The following H2BC5 variants were observed in gnomAD, a reference collection of about 807,000 sequenced individuals.
H2BC5 encodes histone H2B type 1-D.
Under a neutral mutation model 5.7 loss-of-function variants are expected in H2BC5, and 9 were observed. That is an observed-to-expected ratio of 1.57 (90% CI 0.95 to 2.74). The LOEUF (loss-of-function observed/expected upper bound fraction) is 2.74, where lower values mean the gene tolerates loss of function less well. H2BC5 is among the 30% of genes most tolerant of loss of function. The pLI, the probability that H2BC5 is intolerant of heterozygous loss-of-function variation, is 0.00. For synonymous variants in H2BC5, 133 were observed against 70.9 expected (o/e 1.88, Z -4.40); for missense variants, 175 against 168.8 (o/e 1.04, Z -0.20).
At chr6:26,167,200 T>G (rs1764446330) in intron 1 of H2BC5, among the ~76,000 whole-genome samples, 1 of 152,106 alleles carries the variant, frequency 6.6e-6, no homozygotes, top group Non-Finnish European at 1.5e-5. Context: ...GGCTAGCTAC[T>G]TCATACCCAC....
Position 26,158,452 on chromosome 6 carries a change from A to T in H2BC5, c.283A>T (p.Ile95Phe), listed in dbSNP as rs1764277562. 2 of 1,614,114 alleles carry T rather than the reference A, an allele frequency of 1.2e-6. No homozygotes were observed. Among genetic ancestry groups the T allele is most frequent in the Non-Finnish European group, 1.7e-6 (2 of 1,180,052 alleles). ...NKRSTITSRE[I>F]QTAVRLLLPG... is the part of the protein sequence containing the mutation. ...GCGCTCGACCATCACCTCCAGGGAGATCCAGACGGCCGTGCGCCTGCTGCT... is the reference window on the plus strand; with the variant it reads ...GCGCTCGACCATCACCTCCAGGGAGTTCCAGACGGCCGTGCGCCTGCTGCT... Residue 95 changes from isoleucine to phenylalanine, a missense_variant, in exon 1 of 1, where the codon ATC becomes TTC. This residue lies in a region of H2BC5 where 43 missense variants were observed against 37.7 expected (regional missense o/e 1.14). Transcript: ENST00000377777.
Position 26,170,153 on chromosome 6 carries a change from TTC to T in H2BC5, c.*10-818_*10-817del, listed in dbSNP as rs1287027184. ...AAAATGTCACCACATCTGAGAGGTT[TTC>T]TCTGACCATCAAATGTAAAATGGCA... On this transcript the variant is annotated intron_variant, in intron 1 of 1. Coordinates refer to the H2BC5 transcript ENST00000289316. 5.3e-5 allele frequency among the ~76,000 whole-genome samples: 8 copies of T among 152,320 alleles called. No individual in the cohort carries two copies. The South Asian group carries it at 1.7e-3, about 32-fold the overall frequency.
downstream of H2BC5, among the ~76,000 whole-genome samples, chr6:26,161,418 T>C (rs1561969232): frequency 6.6e-6 from 1 of 152,138 alleles, no homozygotes; most frequent in Non-Finnish European, 1.5e-5. Context: ...AACTATGTAA[T>C]CAGATCTTAA....
chr6:26,158,694 TAGTACTGC>T (rs1418393820), downstream of H2BC5: 322 of 1,291,292 alleles, frequency 2.5e-4, 3 homozygotes, highest in East Asian at 7.9e-3. Flanking sequence ...AATGTTACGT[TAGTACTGC>T]AGAGGAAATA....
downstream of H2BC5, among the ~76,000 whole-genome samples, chr6:26,159,564 T>C (rs1341422233): frequency 6.6e-6 from 1 of 151,316 alleles, no homozygotes; most frequent in African/African-American, 2.4e-5. Context: ...CGGAAAAGAG[T>C]CGGGAGGGAA....
chr6:26,165,300 A>C (rs746810436), intron 1 of H2BC5, among the ~76,000 whole-genome samples: 1 of 152,140 alleles, frequency 6.6e-6, no homozygotes, highest in Non-Finnish European at 1.5e-5. Context: ...ACTCCCTAGA[A>C]TCTTTCTCTG....
intron 1 of H2BC5, among the ~76,000 whole-genome samples, chr6:26,167,049 C>CT (rs149341201): frequency 0.65 from 62,899 of 96,960 alleles, 20,881 homozygotes; most frequent in South Asian, 0.79. Flanking sequence ...TTTGTTTTCT[C>CT]TTTTTTTTTT....
chr6:26,166,569 CA>C (rs1764429154), intron 1 of H2BC5, among the ~76,000 whole-genome samples: 3 of 152,072 alleles, frequency 2.0e-5, no homozygotes, highest in South Asian at 4.1e-4. Flanking sequence ...ACTCCCAGGC[CA>C]GGGGGGCTGC....
intron 1 of H2BC5, among the ~76,000 whole-genome samples, chr6:26,167,105 G>C (rs937909157): frequency 1.1e-4 from 12 of 111,650 alleles, no homozygotes; most frequent in Admixed American, 2.6e-4. Context: ...GCAAAGAGTA[G>C]TTTACATATT....
chr6:26,158,684 A>T, downstream of H2BC5: 5 of 1,355,542 alleles, frequency 3.7e-6, no homozygotes, highest in Non-Finnish European at 5.0e-6. Flanking sequence ...ACCAATCTTT[A>T]ATGTTACGTT....
intron 1 of H2BC5, among the ~76,000 whole-genome samples, chr6:26,166,031 G>C (rs1034887825): frequency 6.6e-6 from 1 of 152,202 alleles, no homozygotes; most frequent in Non-Finnish European, 1.5e-5. Context: ...ATGTGTCTTG[G>C]ATACAGGGAT....
chr6:26,161,037 ATC>A (rs1764344196), downstream of H2BC5: 1 of 151,918 alleles, frequency 6.6e-6, no homozygotes, highest in Admixed American at 6.6e-5. Flanking sequence ...GTGAAACCCC[ATC>A]TCTACTAAAA....
chr6:26,164,542 C>T (rs1391686709), intron 1 of H2BC5, among the ~76,000 whole-genome samples: 3 of 152,068 alleles, frequency 2.0e-5, no homozygotes, highest in South Asian at 2.1e-4. Flanking sequence ...CTTCCCTCTC[C>T]TCTATGATTC....
chr6:26,158,257 C>G lies in H2BC5; in HGVS notation c.88C>G (p.Arg30Gly). The change falls in exon 1 of 1, where the codon CGC (arginine) becomes GGC (glycine). Residue 30 changes from arginine (R) to glycine (G), a missense_variant. Arg to Gly is a moderately radical substitution (Grantham distance 125). Transcript: ENST00000377777. ...TKAQKKDGKK[R>G]KRSRKESYSV... ...GGCTCAGAAGAAGGACGGGAAGAAG[C>G]GCAAGCGCAGCCGCAAGGAGAGCTA... 1 of 1,614,246 alleles carries G rather than the reference C, an allele frequency of 6.2e-7. No individual in the cohort carries two copies.
chr6:26,162,118 T>C (rs1395847261), downstream of H2BC5, among the ~76,000 whole-genome samples: 1 of 152,226 alleles, frequency 6.6e-6, no homozygotes, highest in African/African-American at 2.4e-5. Flanking sequence ...TTTCAAAAGA[T>C]TGTGACTTCT....
intron 1 of H2BC5, among the ~76,000 whole-genome samples, chr6:26,167,135 A>C (rs1040676161): frequency 4.7e-5 from 6 of 127,560 alleles, no homozygotes; most frequent in Non-Finnish European, 9.3e-5. Context: ...AAGACACTTG[A>C]ATTTAGGACC....
chr6:26,166,625 C>T (rs1253762160), intron 1 of H2BC5, among the ~76,000 whole-genome samples: 1 of 149,408 alleles, frequency 6.7e-6, no homozygotes, highest in Non-Finnish European at 1.5e-5. Context: ...CCCTTTGGGG[C>T]AGGGAGGTAA....
In H2BC5 at chr6:26,158,589, C is replaced by CTAA; in HGVS notation, c.*40_*41insAAT. On this transcript the variant is annotated 3_prime_UTR_variant, in exon 1 of 1. Coordinates refer to ENST00000377777, the MANE Select transcript of H2BC5 (RefSeq NM_021063.4). ...GCATCTTTACACCTAATCCCAAAGG[C>CTAA]TCTTTTAAGAGCCACGCATGTTTTC... 1 of 1,602,022 alleles carries CTAA rather than the reference C, an allele frequency of 6.2e-7. No homozygotes were observed. Among genetic ancestry groups the CTAA allele is most frequent in the Non-Finnish European group, 8.5e-7 (1 of 1,175,076 alleles).
rs922414447 is a variant in H2BC5 at position 26,163,909 on chromosome 6, G to C, written c.*9+5350G>C. ...TCCTGCCTCAGACTCCCAAGTAGCTGAGACTACAGGTGTGAGCCATTTCCT... is the reference window on the plus strand; with the variant it reads ...TCCTGCCTCAGACTCCCAAGTAGCTCAGACTACAGGTGTGAGCCATTTCCT... On this transcript the variant is annotated intron_variant, in intron 1 of 1. Transcript: ENST00000289316. Among the ~76,000 whole-genome samples, 3 of 152,102 alleles carry C rather than the reference G, an allele frequency of 2.0e-5. No individual in the cohort carries two copies. The East Asian group carries it at 5.8e-4, about 29-fold the overall frequency.
Sources: gnomAD v4.1 joint callset for allele counts (sites outside exome capture counted in the v4.1 genomes callset) on GRCh38, gnomAD v4.1.1 for gene constraint, gnomAD v4.1.1 regional missense constraint, MANE v1.5 for transcripts, NCBI Gene and HGNC (gene_info 2026-07-23, HGNC 2026-07-21) for gene names.